The following LRRC28 variants were observed in gnomAD, a reference collection of about 807,000 sequenced individuals.
LRRC28 encodes the protein leucine rich repeat containing 28.
A neutral mutation model predicts 45.7 loss-of-function variants in LRRC28; 39 were observed. That is an observed-to-expected ratio of 0.85 (90% confidence interval 0.66 to 1.12). LRRC28 has a LOEUF of 1.12. Ranked by LOEUF, LRRC28 falls within the 50% of genes most tolerant of loss-of-function variation. LRRC28 has a pLI of 0.00. For missense variants in LRRC28, 435 were observed against 438.5 expected (o/e 0.99, Z 0.07); for synonymous variants, 206 against 178.8 (o/e 1.15, Z -1.22).
chr15:99,296,680 T>C (rs569198119), intron 5 of LRRC28, among the ~76,000 whole-genome samples: 25 of 152,230 alleles, frequency 1.6e-4, no homozygotes, highest in African/African-American at 5.3e-4. Flanking sequence ...GGGGACTTGC[T>C]GTTTCATCTG....
intron 6 of LRRC28, among the ~76,000 whole-genome samples, chr15:99,348,449 G>A (rs1956765020): frequency 6.6e-6 from 1 of 152,048 alleles, no homozygotes; most frequent in African/African-American, 2.4e-5. Context: ...TGGTTTTTGT[G>A]TATTGTGTCA....
chr15:99,271,658 G>A (rs1397592845), intron 2 of LRRC28, among the ~76,000 whole-genome samples: 8 of 151,484 alleles, frequency 5.3e-5, no homozygotes, highest in East Asian at 3.9e-4. Flanking sequence ...GTACAGTGGC[G>A]TGATCTCAGC....
rs758756363 is a variant in LRRC28 at position 99,255,933 on chromosome 15, C to T, written c.-25C>T. ...ATTTTGACAAGATATAGTGCTGCAG[C>T]GTGCCTGATGGGATATATTCAGTCA... On this transcript the variant is annotated 5_prime_UTR_variant, in exon 2 of 10. Transcript: ENST00000301981. The T allele has an allele frequency of 1.3e-5, 21 of 1,605,346 alleles. No homozygotes were observed. The highest frequency in any genetic ancestry group is 6.7e-5 in the East Asian group (3 of 44,734).
chr15:99,363,343 A>G, intron 9 of LRRC28, 78 bp downstream of exon 9: 3 of 1,511,668 alleles, frequency 2.0e-6, no homozygotes, highest in Non-Finnish European at 2.7e-6. Context: ...GCTGTGCATG[A>G]AAGCATTAAG....
chr15:99,310,556 C>T (rs1042893637), intron 5 of LRRC28, among the ~76,000 whole-genome samples: 4 of 152,168 alleles, frequency 2.6e-5, no homozygotes, highest in Non-Finnish European at 5.9e-5. Context: ...GTAACCCTCT[C>T]CTTATAATGT....
In LRRC28 at chr15:99,255,867, C is replaced by G. The variant is rs567298005; in HGVS notation, c.-60-31C>G. ...ATGGCAATTCTTGTAAAAAATCTTA[C>G]AATGAATAAATTTTCTCGTTCTCTT... On this transcript the variant is annotated intron_variant, in intron 1 of 9. Transcript: ENST00000301981. 3.9e-5 allele frequency: 55 copies of G among 1,402,232 alleles called. No homozygotes were observed. In the Admixed American group the frequency reaches 5.6e-4, roughly 14 times the overall value. The allele number at this position is 1,402,232 out of a possible 1,614,324, so 86.9% of individuals were successfully genotyped here. A position where few individuals can be genotyped will look rare whatever the true frequency, so the allele number is the denominator to read the frequency against.
chr15:99,315,376 T>A (rs1955557280), intron 5 of LRRC28, among the ~76,000 whole-genome samples: 1 of 152,168 alleles, frequency 6.6e-6, no homozygotes, highest in Non-Finnish European at 1.5e-5. Flanking sequence ...TTTGAATCAT[T>A]AACCAAATGA....
In LRRC28 at chr15:99,386,325, T is replaced by C. The variant is rs1957989382; in HGVS notation, c.*223T>C. On this transcript the variant is annotated 3_prime_UTR_variant, in exon 10 of 10. Transcript: ENST00000301981. The stretch of plus-strand genomic sequence containing the variant: ...ATTTGTCTTCTGTGTTTTTCCTTTT[T>C]ATGTGAGTGTGTCTTTTACAGAAAC... 1 of 483,648 alleles carries C rather than the reference T, an allele frequency of 2.1e-6. No individual in the cohort carries two copies. The highest frequency in any genetic ancestry group is 1.9e-5 in the African/African-American group (1 of 51,668). The allele number at this position is 483,648 out of a possible 1,614,324, so 30.0% of individuals were successfully genotyped here.
chr15:99,366,211 C>T (rs1296593927), intron 9 of LRRC28, among the ~76,000 whole-genome samples: 2 of 152,098 alleles, frequency 1.3e-5, no homozygotes, highest in Non-Finnish European at 2.9e-5. Context: ...AGGGTTGGTT[C>T]CTTCTGAGGC....
intron 5 of LRRC28, among the ~76,000 whole-genome samples, chr15:99,296,240 T>C (rs1032220565): frequency 1.3e-5 from 2 of 152,234 alleles, no homozygotes; most frequent in African/African-American, 2.4e-5. Flanking sequence ...TGTTACAGTT[T>C]CTAGGAGTGA....
chr15:99,343,855 C>T (rs182747155), intron 6 of LRRC28, among the ~76,000 whole-genome samples: 74 of 152,240 alleles, frequency 4.9e-4, no homozygotes, highest in African/African-American at 1.7e-3. Context: ...ATGAAGTACA[C>T]GTTCGTATTT....
At chr15:99,334,509 C>A (rs1030331442) in intron 6 of LRRC28, among the ~76,000 whole-genome samples, 2 of 151,740 alleles carry the variant, frequency 1.3e-5, no homozygotes, top group African/African-American at 4.8e-5. Context: ...GTTGACTTCT[C>A]CCTAGAAAAA....
At position 99,390,318 on chromosome 15, in the gene LRRC28, T is replaced by C. The variant is rs901979874; in HGVS notation, c.*4216T>C. 1.3e-5 allele frequency: 2 copies of C among 152,256 alleles called. No homozygotes were observed. The highest frequency in any genetic ancestry group is 4.8e-5 in the African/African-American group (2 of 41,450). The allele number at this position is 152,256 out of a possible 1,614,324, so 9.4% of individuals were successfully genotyped here. On this transcript the variant is annotated 3_prime_UTR_variant, in exon 10 of 10. Coordinates refer to ENST00000301981, the MANE Select transcript of LRRC28 (RefSeq NM_144598.5). ...CTGTATGTGTGGTCCCCTTGTACTT[T>C]GGAGACAGAAGGTACTGGCAGCGAG...
chr15:99,280,237 T>C lies in LRRC28; in HGVS notation c.209+3621T>C, dbSNP rs182011642. 4.6e-5 allele frequency among the ~76,000 whole-genome samples: 7 copies of C among 152,180 alleles called. No homozygotes were observed. In the East Asian group the frequency reaches 1.4e-3, roughly 29 times the overall value. On this transcript the variant is annotated intron_variant, in intron 3 of 9. Transcript: ENST00000301981. ...GTTGTTTACAAATATTCTCTCCCAGTGTATAGCTTGTGTTTTCATCCTGTT... is the reference window on the plus strand; with the variant it reads ...GTTGTTTACAAATATTCTCTCCCAGCGTATAGCTTGTGTTTTCATCCTGTT...
At chr15:99,280,190 A>T (rs1191012968) in intron 3 of LRRC28, among the ~76,000 whole-genome samples, 2 of 151,796 alleles carry the variant, frequency 1.3e-5, no homozygotes, top group Non-Finnish European at 2.9e-5. Flanking sequence ...AGTTCTTTGT[A>T]AACTAGTTTT....
rs993876379 is a variant in LRRC28, at chr15:99,327,033, A to G, written c.386-6890A>G. On this transcript the variant is annotated intron_variant, in intron 5 of 9. Transcript: ENST00000301981. ...AGCCATCTGGACCTGGTCTTTTCTT[A>G]TGGGAGGATTTAAAGATTTAAAATT... Among the ~76,000 whole-genome samples, 4 of 152,272 alleles carry G rather than the reference A, an allele frequency of 2.6e-5. No homozygotes were observed. The South Asian group carries it at 8.3e-4, about 32-fold the overall frequency.
intron 5 of LRRC28, among the ~76,000 whole-genome samples, chr15:99,321,563 T>G (rs1389038592): frequency 2.0e-5 from 3 of 152,214 alleles, no homozygotes; most frequent in Admixed American, 2.0e-4. Context: ...CCTCTAGCAG[T>G]CTTGGATTTC....
chr15:99,290,584 A>G (rs552189344), intron 5 of LRRC28, among the ~76,000 whole-genome samples: 25 of 152,292 alleles, frequency 1.6e-4, no homozygotes, highest in African/African-American at 6.0e-4. Flanking sequence ...TACATAAGAT[A>G]TACAACCAAA....
intron 9 of LRRC28, among the ~76,000 whole-genome samples, chr15:99,366,667 A>G (rs1337808487): frequency 1.3e-5 from 2 of 151,994 alleles, no homozygotes; most frequent in Non-Finnish European, 2.9e-5. Context: ...TGAGGATTCC[A>G]CCTCATGACC....
Sources: allele counts gnomAD v4.1 joint callset (sites outside exome capture counted in the v4.1 genomes callset), GRCh38; gene constraint gnomAD v4.1.1; transcripts MANE v1.5; gene names NCBI Gene and HGNC (gene_info 2026-07-23, HGNC 2026-07-21).